The following KMT2E variants were observed in gnomAD, a reference collection of about 807,000 sequenced individuals.
KMT2E encodes the protein histone reader KMT2E.
Under a neutral mutation model 184.6 loss-of-function variants are expected in KMT2E, and 30 were observed. The observed-to-expected ratio is 0.16, with a 90% CI of 0.12 to 0.22. The LOEUF (loss-of-function observed/expected upper bound fraction) is 0.22, where lower values mean the gene tolerates loss of function less well. Ranked by LOEUF, KMT2E falls within the 10% of genes least tolerant of loss-of-function variation. The pLI is 1.00. For missense variants in KMT2E, 2,023 were observed against 2,237.4 expected, an observed-to-expected ratio of 0.90 and a Z score of 1.93; for synonymous variants, 815 against 776.5, an observed-to-expected ratio of 1.05 and a Z score of -0.82.
intron 21 of KMT2E, 38 bp from the exon 22 acceptor site, chr7:105,107,324 G>A (rs1258527787): frequency 2.0e-6 from 3 of 1,527,418 alleles, no homozygotes; most frequent in South Asian, 1.3e-5. Flanking sequence ...CCCAAGATGT[G>A]ATTATTTGTG....
chr7:105,037,463 A>G (rs1192981940), intron 1 of KMT2E, among the ~76,000 whole-genome samples: 2 of 152,036 alleles, frequency 1.3e-5, no homozygotes, highest in Admixed American at 1.3e-4. Flanking sequence ...CTTGGGCTCA[A>G]ACAATCCTCC....
At chr7:105,043,757 T>G (rs1345304040) in intron 3 of KMT2E, among the ~76,000 whole-genome samples, 1 of 152,194 alleles carries the variant, frequency 6.6e-6, no homozygotes, top group African/African-American at 2.4e-5. Context: ...ACAACACATT[T>G]GGAAATAGCG....
At chr7:105,090,533 A>G (rs983525462) in intron 14 of KMT2E, among the ~76,000 whole-genome samples, 3 of 152,212 alleles carry the variant, frequency 2.0e-5, no homozygotes, top group Admixed American at 2.0e-4. Flanking sequence ...ACTTTTAAAA[A>G]TCTTCTAGAT....
intron 11 of KMT2E, among the ~76,000 whole-genome samples, chr7:105,078,074 A>G (rs575916791): frequency 3.3e-5 from 5 of 152,228 alleles, no homozygotes; most frequent in Non-Finnish European, 7.3e-5. Flanking sequence ...ACAATTATCA[A>G]AAACATTTAT....
chr7:105,034,505 T>C (rs1206784484), intron 1 of KMT2E, among the ~76,000 whole-genome samples: 1 of 152,142 alleles, frequency 6.6e-6, no homozygotes, highest in African/African-American at 2.4e-5. Flanking sequence ...GTGCTGAAAT[T>C]ACAGACGTGA....
chr7:105,105,521 T>C lies in KMT2E; in HGVS notation c.2279T>C (p.Ile760Thr). The C allele has an allele frequency of 1.2e-6, 2 of 1,613,978 alleles. No individual in the cohort carries two copies. Among genetic ancestry groups the C allele is most frequent in the Non-Finnish European group, 1.7e-6 (2 of 1,179,924 alleles). ...SDGLSERPLRITTDPEVLATQ... is the reference protein window; with the variant it reads ...SDGLSERPLRTTTDPEVLATQ... The stretch of plus-strand genomic sequence containing the variant: ...GGCCTTTCAGAAAGGCCTCTACGCA[T>C]AACTACAGATCCTGAAGTGTTAGCT... The change falls in exon 18 of 27, where the codon ATA becomes ACA. Residue 760 changes from isoleucine to threonine, a missense_variant. By Grantham distance (89) the Ile-to-Thr change is moderately conservative. Around this residue, in one of 8 missense-constraint regions of KMT2E, gnomAD observed 514 missense variants for 621.8 expected, o/e 0.83. Transcript: ENST00000311117.
chr7:105,108,288 G>C (rs1341679669), intron 22 of KMT2E, among the ~76,000 whole-genome samples: 4 of 152,136 alleles, frequency 2.6e-5, no homozygotes, highest in African/African-American at 9.7e-5. Flanking sequence ...CCCTTGTATA[G>C]AGGAAATGCC....
Position 105,107,805 on chromosome 7 carries a change from T to G in KMT2E, c.3348T>G (p.Phe1116Leu), listed in dbSNP as rs774424413. 1.4e-5 allele frequency: 23 copies of G among 1,614,026 alleles called. No individual in the cohort carries two copies. The highest frequency in any genetic ancestry group is 2.7e-5 in the African/African-American group (2 of 74,918). ...TGCAGGATGATACTAGAGGCATGTT[T>G]ATGGAAACAACTGTGTTTTGTACTT... Reference protein sequence around the residue: ...CLMQDDTRGMFMETTVFCTSE... With the variant: ...CLMQDDTRGMLMETTVFCTSE... The change falls in exon 22 of 27, where the codon TTT becomes TTG. Residue 1116 changes from phenylalanine (F) to leucine (L), a missense_variant. Phe to Leu is a conservative substitution (Grantham distance 22). Coordinates refer to ENST00000311117, the MANE Select transcript of KMT2E (RefSeq NM_182931.3).
At position 105,090,061 on chromosome 7, in the gene KMT2E, C is replaced by G. The variant is rs376054779; in HGVS notation, c.1411C>G (p.Leu471Val). The G allele has an allele frequency of 9.3e-6, 15 of 1,613,528 alleles. No homozygotes were observed. The highest frequency in any genetic ancestry group is 1.3e-5 in the Non-Finnish European group (15 of 1,179,886). The part of the protein sequence containing the change: ...CLKENPECPV[L>V]KRSSESMENI... ...CAAAGAAAACCCAGAGTGCCCTGTT[C>G]TAAAACGTAGTTCTGAATCCATGGA... Residue 471 changes from leucine to valine, a missense_variant, in exon 14 of 27, where the codon CTA becomes GTA. This residue lies in a region of KMT2E where 514 missense variants were observed against 621.8 expected (regional missense o/e 0.83). Coordinates refer to ENST00000311117, the MANE Select transcript of KMT2E (RefSeq NM_182931.3).
At chr7:105,085,005 C>T (rs544145546) in intron 13 of KMT2E, among the ~76,000 whole-genome samples, 1 of 151,424 alleles carries the variant, frequency 6.6e-6, no homozygotes, top group South Asian at 2.1e-4. Flanking sequence ...GAATAGACTA[C>T]TATCTACATG....
In KMT2E at chr7:105,106,020, A is replaced by C; in HGVS notation, c.2596+17A>C. 2 of 1,596,612 alleles carry C rather than the reference A, an allele frequency of 1.3e-6. No individual in the cohort carries two copies. Among genetic ancestry groups the C allele is most frequent in the Non-Finnish European group, 1.7e-6 (2 of 1,174,550 alleles). On this transcript the variant is annotated intron_variant, in intron 19 of 26. Coordinates refer to ENST00000311117, the MANE Select transcript of KMT2E (RefSeq NM_182931.3). ...CCCTTCCAGGTAGAATTTTTTTTTC[A>C]GAGTTTTGGTTTGAGAAATGTGGCA...
At chr7:105,051,060 T>TTTCTTTCTTTCTTTCTTC (rs1796320904) in intron 3 of KMT2E, among the ~76,000 whole-genome samples, 4 of 149,844 alleles carry the variant, frequency 2.7e-5, no homozygotes, top group African/African-American at 2.4e-5. Context: ...TTTCTTTCCT[T>TTTCTTTCTTTCTTTCTTC]TTCTTTCTTT....
intron 3 of KMT2E, among the ~76,000 whole-genome samples, chr7:105,047,198 C>G (rs1008156710): frequency 1.3e-5 from 2 of 152,158 alleles, no homozygotes; most frequent in South Asian, 2.1e-4. Context: ...AGGGATGGCA[C>G]GTAGGCATCT....
intron 15 of KMT2E, among the ~76,000 whole-genome samples, chr7:105,097,577 G>C (rs1409246030): frequency 6.6e-6 from 1 of 152,034 alleles, no homozygotes; most frequent in Non-Finnish European, 1.5e-5. Flanking sequence ...AGTAGAGATG[G>C]GGTTTCACCA....
At chr7:105,025,886 G>A (rs756583924) in intron 1 of KMT2E, among the ~76,000 whole-genome samples, 9 of 152,134 alleles carry the variant, frequency 5.9e-5, no homozygotes, top group Non-Finnish European at 1.2e-4. Context: ...TAGAAATCTA[G>A]AAGGAAGTCT....
intron 3 of KMT2E, among the ~76,000 whole-genome samples, chr7:105,055,202 T>C (rs1250215990): frequency 4.0e-5 from 6 of 151,700 alleles, no homozygotes; most frequent in African/African-American, 1.5e-4. Context: ...GTGTGGTTTT[T>C]GTTTTTCTTT....
chr7:105,095,968 CT>C (rs1798393445), intron 15 of KMT2E, among the ~76,000 whole-genome samples: 3 of 152,024 alleles, frequency 2.0e-5, no homozygotes, highest in Admixed American at 2.0e-4. Context: ...CTAAAAGAGA[CT>C]TGTTGCTGGG....
chr7:105,065,232 C>T (rs1238154119), intron 5 of KMT2E, among the ~76,000 whole-genome samples: 1 of 152,182 alleles, frequency 6.6e-6, no homozygotes. Flanking sequence ...TCTTTGAAGT[C>T]TGACATCCAC....
At chr7:105,049,951 C>G (rs1796262607) in intron 3 of KMT2E, among the ~76,000 whole-genome samples, 1 of 152,086 alleles carries the variant, frequency 6.6e-6, no homozygotes, top group Non-Finnish European at 1.5e-5. Context: ...CCTGTTCCTC[C>G]ACTTGCCCTC....
Sources: allele counts gnomAD v4.1 joint callset (sites outside exome capture counted in the v4.1 genomes callset), GRCh38; gene constraint gnomAD v4.1.1; regional missense constraint gnomAD v4.1.1; transcripts MANE v1.5; gene names NCBI Gene and HGNC (gene_info 2026-07-23, HGNC 2026-07-21).